DNAI2: variants seen among roughly 807,000 people sequenced by gnomAD.
DNAI2 encodes the protein dynein, axonemal, intermediate polypeptide 2.
DNAI2 carries 63 observed loss-of-function variants against 74.7 expected under a neutral mutation model. The ratio of observed to expected loss-of-function variants is 0.84; its 90% CI spans 0.69 to 1.04. DNAI2 has a LOEUF of 1.04. Among genes scored for constraint, DNAI2 ranks in the 50% least tolerant of loss-of-function variants. DNAI2 has a pLI of 0.00. For synonymous variants in DNAI2, 289 were observed against 314.9 expected, an observed-to-expected ratio of 0.92 and a Z score of 0.87; for missense variants, 688 against 803.2, an observed-to-expected ratio of 0.86 and a Z score of 1.73.
Position 74,312,221 on chromosome 17 carries a change from G to A in DNAI2, c.1713G>A (p.Thr571=), listed in dbSNP as rs377499410. The A allele has an allele frequency of 3.6e-5, 57 of 1,574,526 alleles. No individual in the cohort carries two copies. In the East Asian group the frequency reaches 9.3e-4, roughly 26 times the overall value. The stretch of plus-strand genomic sequence containing the variant: ...AGGAGGCAGACGCCATAAAGCTGAC[G>A]CCAGTGCCTGTAGGGGCCTGGACAG... ...KKKEADAIKL[T]PVPQQPSPEE... Residue 571 remains threonine (T), a synonymous_variant, in exon 12 of 14, where the codon ACG becomes ACA. Coordinates refer to ENST00000311014, the MANE Select transcript of DNAI2 (RefSeq NM_023036.6).
intron 9 of DNAI2, among the ~76,000 whole-genome samples, chr17:74,307,770 T>TA (rs1275549819): frequency 6.6e-6 from 1 of 152,174 alleles, no homozygotes; most frequent in Non-Finnish European, 1.5e-5. Context: ...ATACTTATAC[T>TA]AAAAATTATT....
intron 4 of DNAI2, among the ~76,000 whole-genome samples, 172 bp downstream of exon 4, chr17:74,287,270 T>TG (rs1293716466): frequency 6.6e-6 from 1 of 152,160 alleles, no homozygotes; most frequent in Non-Finnish European, 1.5e-5. Context: ...GGCCCTGCTC[T>TG]GGGGGCGGGT....
chr17:74,279,161 C>T (rs533425618), intron 1 of DNAI2, among the ~76,000 whole-genome samples: 5 of 151,984 alleles, frequency 3.3e-5, no homozygotes, highest in East Asian at 1.9e-4. Flanking sequence ...AGGGAGACTC[C>T]GTCTCAAAAT....
chr17:74,307,296 G>A (rs1333583330), intron 9 of DNAI2: 2 of 456,290 alleles, frequency 4.4e-6, no homozygotes, highest in Admixed American at 4.7e-5. Flanking sequence ...AGAGGGACTT[G>A]GTGGACCTGT....
intron 1 of DNAI2, among the ~76,000 whole-genome samples, chr17:74,280,944 C>T (rs1237211288): frequency 6.6e-6 from 1 of 151,798 alleles, no homozygotes. Context: ...AAAACTTAGC[C>T]AGGCATGGTA....
At chr17:74,287,667 G>A (rs141049070) in intron 4 of DNAI2, among the ~76,000 whole-genome samples, 1 of 152,298 alleles carries the variant, frequency 6.6e-6, no homozygotes, top group Non-Finnish European at 1.5e-5. Flanking sequence ...TAAAGCGAGC[G>A]GGGCAGTCTG....
rs1425961211 is a variant in DNAI2 at position 74,301,039 on chromosome 17, C to A, written c.865-7C>A. Reference sequence around the variant, plus strand: ...CGAAGTCTCACTGTCGCCCCTCCTCCCACCAGGTCATGTGGTGGGACATCC... The same window carrying A: ...CGAAGTCTCACTGTCGCCCCTCCTCACACCAGGTCATGTGGTGGGACATCC... On this transcript the variant is annotated splice_polypyrimidine_tract_variant and splice_region_variant and intron_variant, in intron 7 of 13. Coordinates refer to ENST00000311014, the MANE Select transcript of DNAI2 (RefSeq NM_023036.6). 1.9e-6 allele frequency: 3 copies of A among 1,613,868 alleles called. No individual in the cohort carries two copies. Among genetic ancestry groups the A allele is most frequent in the Non-Finnish European group, 2.5e-6 (3 of 1,179,874 alleles).
At chr17:74,291,859 T>A (rs2052123728) in intron 6 of DNAI2, among the ~76,000 whole-genome samples, 1 of 145,900 alleles carries the variant, frequency 6.9e-6, no homozygotes, top group Non-Finnish European at 1.5e-5. Flanking sequence ...TGTGAAGAAT[T>A]GATATTAATT....
In DNAI2 at chr17:74,300,093, C is replaced by A. The variant is rs973507425; in HGVS notation, c.864+236C>A. Among the ~76,000 whole-genome samples the A allele has an allele frequency of 4.6e-5, 7 of 152,176 alleles. No individual in the cohort carries two copies. The highest frequency in any genetic ancestry group is 1.7e-4 in the African/African-American group (7 of 41,448). ...CCTCCCAAGTAGCTGGGATTACAGG[C>A]GCCTGCCACTATGCCTGGTTAATTT... On this transcript the variant is annotated intron_variant, in intron 7 of 13. Coordinates refer to ENST00000311014, the MANE Select transcript of DNAI2 (RefSeq NM_023036.6). The surrounding 1 kb of genome is among the most constrained non-coding windows in gnomAD (Gnocchi z 4.5).
At chr17:74,303,623 C>G (rs1254634369) in intron 8 of DNAI2, among the ~76,000 whole-genome samples, 1 of 96,506 alleles carries the variant, frequency 1.0e-5, no homozygotes, top group Admixed American at 8.9e-5. Context: ...GAGACAGAGT[C>G]TCACTCTTGC....
At chr17:74,301,363 A>C (rs576110883) in intron 8 of DNAI2, among the ~76,000 whole-genome samples, 195 bp downstream of exon 8, 1 of 152,350 alleles carries the variant, frequency 6.6e-6, no homozygotes, top group African/African-American at 2.4e-5. Flanking sequence ...CTTCTCGAAG[A>C]AGGACACCAT....
At chr17:74,276,165 T>G (rs752266938) in intron 1 of DNAI2, among the ~76,000 whole-genome samples, 1 of 152,032 alleles carries the variant, frequency 6.6e-6, no homozygotes, top group Non-Finnish European at 1.5e-5. Context: ...CCACCGGAGG[T>G]TCTCTCCAGG....
chr17:74,289,807 A>T, intron 5 of DNAI2, 71 bp downstream of exon 5: 4 of 1,599,686 alleles, frequency 2.5e-6, no homozygotes, highest in Non-Finnish European at 3.4e-6. Flanking sequence ...GAGGAGCGGG[A>T]GGGAGGGGCA....
intron 6 of DNAI2, among the ~76,000 whole-genome samples, chr17:74,298,357 T>G (rs763777128): frequency 3.9e-5 from 6 of 152,198 alleles, no homozygotes; most frequent in Admixed American, 6.5e-5. Flanking sequence ...CAGGCTGGAG[T>G]GCAATGGCAT....
chr17:74,283,039 CT>C (rs2051485911), intron 2 of DNAI2, among the ~76,000 whole-genome samples: 1 of 152,212 alleles, frequency 6.6e-6, no homozygotes, highest in Non-Finnish European at 1.5e-5. Context: ...GCAGCTCTGC[CT>C]TTTCCAGACT....
At position 74,309,326 on chromosome 17, in the gene DNAI2, G is replaced by A; in HGVS notation, c.1285G>A (p.Asp429Asn). 1.2e-6 allele frequency: 2 copies of A among 1,614,164 alleles called. No individual in the cohort carries two copies. The highest frequency in any genetic ancestry group is 1.7e-6 in the Non-Finnish European group (2 of 1,180,038). Residue 429 changes from aspartate to asparagine, a missense_variant, in exon 10 of 14, where the codon GAC (aspartate) becomes AAC (asparagine). Coordinates refer to ENST00000311014, the MANE Select transcript of DNAI2 (RefSeq NM_023036.6). ...RPTVFFTTRM[D>N]GTLDIWDFMF... ...GACCGTTTTCTTTACCACCAGGATG[G>A]ACGGAACCCTGGATATCTGGGACTT... is the stretch of plus-strand genomic sequence containing the variant.
chr17:74,298,899 C>T (rs1287950767), intron 6 of DNAI2, among the ~76,000 whole-genome samples: 1 of 152,184 alleles, frequency 6.6e-6, no homozygotes, highest in African/African-American at 2.4e-5. Context: ...GCTAGGATTA[C>T]AAGCATGAGC....
intron 8 of DNAI2, among the ~76,000 whole-genome samples, chr17:74,302,262 C>A (rs557536022): frequency 3.7e-4 from 56 of 151,296 alleles, no homozygotes; most frequent in Admixed American, 7.2e-4. Context: ...AAGACACTGT[C>A]CCTACATAAG....
chr17:74,291,820 G>A (rs909432165), intron 6 of DNAI2, among the ~76,000 whole-genome samples: 4 of 152,060 alleles, frequency 2.6e-5, no homozygotes, highest in Non-Finnish European at 5.9e-5. Flanking sequence ...CTTATAGAAT[G>A]AGTTGGGAAG....
Sources: gnomAD v4.1 joint callset for allele counts (sites outside exome capture counted in the v4.1 genomes callset) on GRCh38, gnomAD v4.1.1 for gene constraint, Gnocchi (gnomAD v3.1) non-coding constraint, MANE v1.5 for transcripts, NCBI Gene and HGNC (gene_info 2026-07-23, HGNC 2026-07-21) for gene names.